The following FREM3 variants were observed in gnomAD, a reference collection of about 807,000 sequenced individuals.
FREM3 encodes FRAS1-related extracellular matrix protein 3.
FREM3 carries 105 observed loss-of-function variants against 129.1 expected under a neutral mutation model. The observed-to-expected ratio is 0.81, with a 90% confidence interval of 0.69 to 0.96. The LOEUF is 0.96. Among genes scored for constraint, FREM3 ranks in the 40% least tolerant of loss-of-function variants. FREM3 has a pLI of 0.00. For synonymous variants in FREM3, 1,014 were observed against 1,044.9 expected (o/e 0.97, Z 0.57); for missense variants, 2,593 against 2,666.3 (o/e 0.97, Z 0.61).
intron 1 of FREM3, among the ~76,000 whole-genome samples, chr4:143,694,003 GAGGGTAGGAGGA>G: frequency 6.6e-6 from 1 of 152,270 alleles, no homozygotes; most frequent in South Asian, 2.1e-4. Context: ...CTTGAGGGTG[GAGGGTAGGAGGA>G]AGGAGCAGAG....
intron 2 of FREM3, among the ~76,000 whole-genome samples, chr4:143,637,365 C>G (rs998769237): frequency 2.6e-5 from 4 of 152,138 alleles, no homozygotes; most frequent in Non-Finnish European, 5.9e-5. Context: ...AGCTAGGTCT[C>G]CATTTTCTTC....
chr4:143,596,995 G>A (rs1483110590), intron 6 of FREM3, among the ~76,000 whole-genome samples: 1 of 152,094 alleles, frequency 6.6e-6, no homozygotes, highest in Non-Finnish European at 1.5e-5. Context: ...TAAGCATACA[G>A]ATTGGGGTTA....
intron 2 of FREM3, among the ~76,000 whole-genome samples, chr4:143,644,553 A>G (rs1739381695): frequency 1.3e-5 from 2 of 152,148 alleles, no homozygotes; most frequent in South Asian, 4.1e-4. Context: ...CAGACACAAA[A>G]ATGGGCATGA....
At chr4:143,605,808 C>T (rs1486721964) in intron 6 of FREM3, among the ~76,000 whole-genome samples, 1 of 152,108 alleles carries the variant, frequency 6.6e-6, no homozygotes, top group East Asian at 1.9e-4. Context: ...CAAAAAGTCT[C>T]CTTTTATTAT....
chr4:143,694,469 A>G (rs1190410669), intron 1 of FREM3, among the ~76,000 whole-genome samples: 3 of 152,238 alleles, frequency 2.0e-5, no homozygotes, highest in Admixed American at 2.0e-4. Context: ...ATGAAGGTCT[A>G]TAATTATGTT....
chr4:143,637,904 G>A (rs1016709944), intron 2 of FREM3, among the ~76,000 whole-genome samples: 1 of 152,086 alleles, frequency 6.6e-6, no homozygotes, highest in Non-Finnish European at 1.5e-5. Flanking sequence ...TGCTCACATG[G>A]TTGGTGGGTG....
At chr4:143,594,176 C>T (rs1257601536) in intron 6 of FREM3, among the ~76,000 whole-genome samples, 7 of 152,172 alleles carry the variant, frequency 4.6e-5, no homozygotes, top group African/African-American at 1.4e-4. Context: ...TTGTGCTTCC[C>T]GGGTGAGGCG....
intron 2 of FREM3, among the ~76,000 whole-genome samples, chr4:143,632,982 G>A (rs1358495987): frequency 1.3e-5 from 2 of 152,168 alleles, no homozygotes; most frequent in Non-Finnish European, 1.5e-5. Flanking sequence ...TACAGCTAGG[G>A]CATAAGCTTG....
In FREM3 at chr4:143,678,346, A is replaced by C. The variant is rs554134953; in HGVS notation, c.5275+14767T>G. ...CATAGATGGGAATTGAACAATGAGAACACTTGGACACAGGAAGGGGAACAT... is the reference window on the plus strand; with the variant it reads ...CATAGATGGGAATTGAACAATGAGACCACTTGGACACAGGAAGGGGAACAT... On this transcript the variant is annotated intron_variant, in intron 2 of 7. Coordinates refer to ENST00000329798, the MANE Select transcript of FREM3 (RefSeq NM_001168235.2). Among the ~76,000 whole-genome samples the C allele has an allele frequency of 5.9e-5, 9 of 152,142 alleles. No homozygotes were observed. In the South Asian group the frequency reaches 1.9e-3, roughly 32 times the overall value.
At position 143,627,550 on chromosome 4, in the gene FREM3, A is replaced by G. The variant is rs189469252; in HGVS notation, c.5422+64T>C. The G allele has an allele frequency of 1.1e-5, 14 of 1,279,286 alleles. No individual in the cohort carries two copies. In the East Asian group the frequency reaches 3.3e-4, roughly 30 times the overall value. 79.2% of individuals were successfully genotyped at this position (1,279,286 alleles called of 1,614,324 possible). ...TCTTTCAGTATACTTTCTTGTAATT[A>G]TTTTTAGTCCCAGATTTCATGTTTC... On this transcript the variant is annotated intron_variant, in intron 3 of 7. Coordinates refer to ENST00000329798, the MANE Select transcript of FREM3 (RefSeq NM_001168235.2).
chr4:143,661,515 G>T lies in FREM3; in HGVS notation c.5275+31598C>A, dbSNP rs4835627. On this transcript the variant is annotated intron_variant, in intron 2 of 7. Transcript: ENST00000329798. ...CCAGTATTTTATTGAGGATTTTTGC[G>T]TCAATGTTCATCAAGGATATTGGTC... Among the ~76,000 whole-genome samples the T allele has an allele frequency of 3.8e-4, 58 of 150,878 alleles. No individual in the cohort carries two copies. The East Asian group carries it at 0.011, about 29-fold the overall frequency.
chr4:143,698,395 C>G lies in FREM3; in HGVS notation c.2281G>C (p.Glu761Gln), dbSNP rs745646978. 3 of 1,537,882 alleles carry G rather than the reference C, an allele frequency of 2.0e-6. No homozygotes were observed. In the Admixed American group the frequency reaches 5.9e-5, roughly 30 times the overall value. Reference sequence around the variant, plus strand: ...TCTGGTGAATCAGTGAGCACAATTTCTCCAGCCCGGACTTGGTGGTTGCCA... The same window carrying G: ...TCTGGTGAATCAGTGAGCACAATTTGTCCAGCCCGGACTTGGTGGTTGCCA... ...TDGNHQVRAG[E>Q]IVLTDSPDTL... The change falls in exon 1 of 8, where the codon GAA (glutamate) becomes CAA (glutamine). Residue 761 changes from glutamate (E) to glutamine (Q), a missense_variant. This residue lies in a region of FREM3 where 2,276 missense variants were observed against 2,267.2 expected (regional missense o/e 1.00). Coordinates refer to ENST00000329798, the MANE Select transcript of FREM3 (RefSeq NM_001168235.2).
chr4:143,670,867 A>T (rs1442382806), intron 2 of FREM3, among the ~76,000 whole-genome samples: 1 of 152,136 alleles, frequency 6.6e-6, no homozygotes, highest in African/African-American at 2.4e-5. Context: ...ATGGAATCAC[A>T]TGATTAAAAA....
rs1428895959 is a variant in FREM3 at position 143,697,300 on chromosome 4, C to T, written c.3376G>A (p.Gly1126Ser). ...CTACCAGACTGGGACATTTTTGAACCAGGAGCTGATGCAATCTTTTCCAGG... is the reference window on the plus strand; with the variant it reads ...CTACCAGACTGGGACATTTTTGAACTAGGAGCTGATGCAATCTTTTCCAGG... ...GYLEKIASAP[G>S]SKMSQSGSPI... The change falls in exon 1 of 8, where the codon GGT (glycine) becomes AGT (serine). Residue 1126 changes from glycine (G) to serine (S), a missense_variant. By Grantham distance (56) the Gly-to-Ser change is moderately conservative. Around this residue, in one of 2 missense-constraint regions of FREM3, gnomAD observed 2,276 missense variants for 2,267.2 expected, o/e 1.00. Coordinates refer to ENST00000329798, the MANE Select transcript of FREM3 (RefSeq NM_001168235.2). 1.1e-5 allele frequency: 17 copies of T among 1,537,226 alleles called. No individual in the cohort carries two copies. The highest frequency in any genetic ancestry group is 1.5e-5 in the Non-Finnish European group (17 of 1,146,900).
In FREM3 at chr4:143,698,963, A is replaced by G. The variant is rs908001955; in HGVS notation, c.1713T>C (p.Asp571=). 16 of 1,537,266 alleles carry G rather than the reference A, an allele frequency of 1.0e-5. No homozygotes were observed. Among genetic ancestry groups the G allele is most frequent in the Non-Finnish European group, 1.4e-5 (16 of 1,146,916 alleles). The change falls in exon 1 of 8, where the codon GAT becomes GAC. Residue 571 remains aspartate (D), a synonymous_variant. Coordinates refer to ENST00000329798, the MANE Select transcript of FREM3 (RefSeq NM_001168235.2). Reference sequence around the variant, plus strand: ...GGATGGTTGAGTCCTCAGAGTCAATATCAGTAGCACTCAGTACAAAGGGAG... The same window carrying G: ...GGATGGTTGAGTCCTCAGAGTCAATGTCAGTAGCACTCAGTACAAAGGGAG... The part of the protein sequence containing the change: ...QISPFVLSAT[D]IDSEDSTIHF...
At chr4:143,664,867 T>A (rs1246954736) in intron 2 of FREM3, among the ~76,000 whole-genome samples, 1 of 152,130 alleles carries the variant, frequency 6.6e-6, no homozygotes, top group Non-Finnish European at 1.5e-5. Flanking sequence ...TCAGCGAGAC[T>A]CCGTGGGCGT....
chr4:143,595,879 C>T (rs1014823906), intron 6 of FREM3, among the ~76,000 whole-genome samples: 6 of 54,060 alleles, frequency 1.1e-4, no homozygotes, highest in African/African-American at 2.6e-4. Context: ...CAGAGCGAGA[C>T]GCCATCTCAG....
At chr4:143,651,030 T>G (rs1340398128) in intron 2 of FREM3, among the ~76,000 whole-genome samples, 1 of 152,244 alleles carries the variant, frequency 6.6e-6, no homozygotes, top group Non-Finnish European at 1.5e-5. Flanking sequence ...TAGGTATTCC[T>G]TTTAATAATA....
rs541235127 is a variant in FREM3, at chr4:143,666,132, G to A, written c.5275+26981C>T. Reference sequence around the variant, plus strand: ...TTGTCTTAGATAAAATAGAAGATAGGTGCAGAGGTTCTTGAACATTTTTGT... The same window carrying A: ...TTGTCTTAGATAAAATAGAAGATAGATGCAGAGGTTCTTGAACATTTTTGT... On this transcript the variant is annotated intron_variant, in intron 2 of 7. Coordinates refer to ENST00000329798, the MANE Select transcript of FREM3 (RefSeq NM_001168235.2). Among the ~76,000 whole-genome samples the A allele has an allele frequency of 5.9e-5, 9 of 152,190 alleles. No individual in the cohort carries two copies. The South Asian group carries it at 1.7e-3, about 28-fold the overall frequency.
Sources: gnomAD v4.1 joint callset for allele counts (sites outside exome capture counted in the v4.1 genomes callset) on GRCh38, gnomAD v4.1.1 for gene constraint, gnomAD v4.1.1 regional missense constraint, MANE v1.5 for transcripts, NCBI Gene and HGNC (gene_info 2026-07-23, HGNC 2026-07-21) for gene names.